LOC400499: variants seen among roughly 807,000 people sequenced by gnomAD.
chr16:11,397,266 C>T, the LOC400499 span, among the ~76,000 whole-genome samples: 2 of 152,132 alleles, frequency 1.3e-5, no homozygotes, highest in Admixed American at 1.3e-4. Context: ...TGGCTCACTG[C>T]CCACTCTTGT....
At chr16:11,380,287 C>T in the LOC400499 span, among the ~76,000 whole-genome samples, 1 of 151,272 alleles carries the variant, frequency 6.6e-6, no homozygotes, top group Non-Finnish European at 1.5e-5. Context: ...GCATTTCTTG[C>T]ATAATGAACT....
At chr16:11,422,663 G>A in the LOC400499 span, among the ~76,000 whole-genome samples, 1 of 152,138 alleles carries the variant, frequency 6.6e-6, no homozygotes, top group Non-Finnish European at 1.5e-5. Flanking sequence ...TCTCAAACCT[G>A]GGGATACTAC....
At chr16:11,400,353 G>A in the LOC400499 span, among the ~76,000 whole-genome samples, 3,056 of 152,092 alleles carry the variant, frequency 0.02, 127 homozygotes, top group African/African-American at 0.072. Context: ...CCATCCCGGG[G>A]CCGCCTCCCC....
At chr16:11,442,527 C>A in the LOC400499 span, 1 of 152,182 alleles carries the variant, frequency 6.6e-6, no homozygotes, top group African/African-American at 2.4e-5. Context: ...CCAGCCTAGA[C>A]ACGGTTTTAA....
the LOC400499 span, among the ~76,000 whole-genome samples, chr16:11,497,729 G>A: frequency 6.6e-6 from 1 of 152,206 alleles, no homozygotes; most frequent in African/African-American, 2.4e-5. Context: ...TTCTGTGTAT[G>A]GCTGCCCGGG....
At chr16:11,513,936 C>T in the LOC400499 span, among the ~76,000 whole-genome samples, 4 of 152,236 alleles carry the variant, frequency 2.6e-5, no homozygotes, top group South Asian at 6.2e-4. Flanking sequence ...ATCCTCCCCC[C>T]AGATATAGGC....
At chr16:11,396,878 T>A in the LOC400499 span, among the ~76,000 whole-genome samples, 10 of 152,324 alleles carry the variant, frequency 6.6e-5, no homozygotes, top group Admixed American at 6.5e-4. Flanking sequence ...GCCTGCTTTG[T>A]TGTCCCAACC....
At chr16:11,406,158 T>C in the LOC400499 span, among the ~76,000 whole-genome samples, 1 of 152,204 alleles carries the variant, frequency 6.6e-6, no homozygotes, top group Non-Finnish European at 1.5e-5. Flanking sequence ...TTTCCAACCC[T>C]TGGCTCCCTC....
the LOC400499 span, chr16:11,385,563 G>GCCAGAGGCCCAGGGATCCC: frequency 2.1e-6 from 1 of 477,342 alleles, no homozygotes; most frequent in East Asian, 3.5e-5. Flanking sequence ...TGGCGCAGCA[G>GCCAGAGGCCCAGGGATCCC]CCAGAGGCCC....
At chr16:11,510,074 G>C in the LOC400499 span, among the ~76,000 whole-genome samples, 207 of 151,420 alleles carry the variant, frequency 1.4e-3, 5 homozygotes, top group African/African-American at 4.5e-3. Context: ...AATAAAGATG[G>C]GTGATGGCAG....
chr16:11,453,403 G>T, the LOC400499 span, among the ~76,000 whole-genome samples: 8 of 151,996 alleles, frequency 5.3e-5, no homozygotes, highest in Non-Finnish European at 8.8e-5. Context: ...AGCATTTGGG[G>T]GAAAGCCTCC....
the LOC400499 span, among the ~76,000 whole-genome samples, chr16:11,426,542 T>C: frequency 1.3e-5 from 2 of 152,026 alleles, no homozygotes; most frequent in Non-Finnish European, 2.9e-5. Context: ...GAGAACAAGG[T>C]AAGAATTTTT....
the LOC400499 span, among the ~76,000 whole-genome samples, chr16:11,434,995 G>C: frequency 1.3e-5 from 2 of 152,056 alleles, no homozygotes; most frequent in Non-Finnish European, 2.9e-5. Flanking sequence ...TACTATTTTA[G>C]AGTCAGGCTC....
chr16:11,475,460 G>C, the LOC400499 span, among the ~76,000 whole-genome samples: 1 of 152,236 alleles, frequency 6.6e-6, no homozygotes, highest in South Asian at 2.1e-4. Flanking sequence ...CCTTGGCAAA[G>C]TAGATGTCTA....
chr16:11,398,602 T>C, the LOC400499 span: 4 of 990,072 alleles, frequency 4.0e-6, no homozygotes, highest in African/African-American at 3.3e-5. Flanking sequence ...GGCAAGAGCA[T>C]GTGCCAGGAA....
At chr16:11,414,793 G>A in the LOC400499 span, among the ~76,000 whole-genome samples, 2 of 152,168 alleles carry the variant, frequency 1.3e-5, no homozygotes, top group Non-Finnish European at 2.9e-5. Flanking sequence ...AGCTTCCCTT[G>A]ACTGCCCATC....
At chr16:11,384,843 G>C in the LOC400499 span, 2 of 1,231,168 alleles carry the variant, frequency 1.6e-6, no homozygotes, top group Non-Finnish European at 1.0e-6. Context: ...GCATCCCAAA[G>C]AGTCCGCTGT....
chr16:11,505,034 G>T, the LOC400499 span, among the ~76,000 whole-genome samples: 2,438 of 152,190 alleles, frequency 0.016, 67 homozygotes, highest in African/African-American at 0.056. Context: ...CACTCAAAGT[G>T]ATTGAGGCAG....
At chr16:11,409,892 AAG>A in the LOC400499 span, among the ~76,000 whole-genome samples, 2 of 152,252 alleles carry the variant, frequency 1.3e-5, no homozygotes, top group African/African-American at 4.8e-5. Flanking sequence ...GAAAGATGGA[AAG>A]ATATTAACAA....
Sources: gnomAD v4.1 joint callset for allele counts (sites outside exome capture counted in the v4.1 genomes callset) on GRCh38, gnomAD v4.1.1 for gene constraint, MANE v1.5 for transcripts.